Variants in SGIP1 observed in about 807,000 individuals in gnomAD.
SGIP1 encodes SH3-containing GRB2-like protein 3-interacting protein 1.
A neutral mutation model predicts 107.5 loss-of-function variants in SGIP1; 38 were observed. The observed-to-expected ratio is 0.35, with a 90% CI of 0.27 to 0.46. The LOEUF (loss-of-function observed/expected upper bound fraction) is 0.46. Among genes scored for constraint, SGIP1 ranks in the 20% least tolerant of loss-of-function variants. SGIP1 has a pLI of 1.00. For synonymous variants in SGIP1, 365 were observed against 366.1 expected, an observed-to-expected ratio of 1.00 and a Z score of 0.03; for missense variants, 929 against 1,019.5, an observed-to-expected ratio of 0.91 and a Z score of 1.21.
At chr1:66,536,259 A>G (rs917539672) in intron 1 of SGIP1, among the ~76,000 whole-genome samples, 3 of 152,204 alleles carry the variant, frequency 2.0e-5, no homozygotes, top group African/African-American at 7.2e-5. Flanking sequence ...TATGAATTAT[A>G]CTATGGATAC....
At chr1:66,597,159 G>A (rs1466594360) in intron 1 of SGIP1, among the ~76,000 whole-genome samples, 1 of 152,086 alleles carries the variant, frequency 6.6e-6, no homozygotes, top group African/African-American at 2.4e-5. Flanking sequence ...CATCAACCAG[G>A]TACTAAGCCT....
In SGIP1 at chr1:66,592,014, G is replaced by A. The variant is rs927357040; in HGVS notation, c.11-33833G>A. 6.6e-5 allele frequency among the ~76,000 whole-genome samples: 10 copies of A among 152,292 alleles called. 1 individual carries two copies. The highest frequency in any genetic ancestry group is 2.4e-4 in the African/African-American group (10 of 41,552). On this transcript the variant is annotated intron_variant, in intron 1 of 24. Coordinates refer to ENST00000371037, the MANE Select transcript of SGIP1 (RefSeq NM_032291.4). ...TCCTATCTCAGTAAATAGAATGCACGATGGGGTTTTACACCAAGACATTCC... is the reference window on the plus strand; with the variant it reads ...TCCTATCTCAGTAAATAGAATGCACAATGGGGTTTTACACCAAGACATTCC...
intron 20 of SGIP1, among the ~76,000 whole-genome samples, chr1:66,733,408 C>T (rs1265920469): frequency 6.6e-6 from 1 of 152,084 alleles, no homozygotes; most frequent in African/African-American, 2.4e-5. Flanking sequence ...CTAATTTAGA[C>T]AAAGCTGGTT....
At chr1:66,574,727 A>G (rs2060824771) in intron 1 of SGIP1, among the ~76,000 whole-genome samples, 1 of 152,066 alleles carries the variant, frequency 6.6e-6, no homozygotes, top group Non-Finnish European at 1.5e-5. Context: ...TTGTTTTCAC[A>G]TGTCTGTCTG....
intron 7 of SGIP1, among the ~76,000 whole-genome samples, chr1:66,654,223 C>G (rs2079278891): frequency 6.6e-6 from 1 of 152,164 alleles, no homozygotes; most frequent in African/African-American, 2.4e-5. Flanking sequence ...TTGCTTTGAT[C>G]TTTTCCTCTT....
intron 1 of SGIP1, among the ~76,000 whole-genome samples, chr1:66,605,335 T>G (rs2066617137): frequency 6.6e-6 from 1 of 152,152 alleles, no homozygotes; most frequent in African/African-American, 2.4e-5. Flanking sequence ...ATGGCAGTAA[T>G]TCCCAGATAA....
At chr1:66,560,123 G>T (rs1306665182) in intron 1 of SGIP1, among the ~76,000 whole-genome samples, 1 of 151,958 alleles carries the variant, frequency 6.6e-6, no homozygotes, top group East Asian at 1.9e-4. Flanking sequence ...AGGTCTGGAG[G>T]CTCAAACCCT....
Position 66,599,247 on chromosome 1 carries a change from G to A in SGIP1, c.11-26600G>A, listed in dbSNP as rs533250145. ...ATTACTTAAACATCAAATGAATTTG[G>A]GAACCTCTGTCCTAGGGCATAGGGG... On this transcript the variant is annotated intron_variant, in intron 1 of 24. Transcript: ENST00000371037. 4.1e-4 allele frequency among the ~76,000 whole-genome samples: 62 copies of A among 152,090 alleles called. No homozygotes were observed. The Middle Eastern group carries it at 0.017, about 42-fold the overall frequency.
At chr1:66,638,288 T>C (rs2076166384) in intron 4 of SGIP1, among the ~76,000 whole-genome samples, 1 of 152,172 alleles carries the variant, frequency 6.6e-6, no homozygotes, top group South Asian at 2.1e-4. Context: ...AGTGGTACAT[T>C]ATGTAATGGA....
chr1:66,671,064 A>G, intron 10 of SGIP1, 45 bp downstream of exon 10: 1 of 1,039,290 alleles, frequency 9.6e-7, no homozygotes, highest in Admixed American at 2.2e-5. Flanking sequence ...ATTTAAAAGA[A>G]AGAACAGTTC....
chr1:66,635,376 A>C (rs2149419800), intron 3 of SGIP1, among the ~76,000 whole-genome samples: 1 of 152,282 alleles, frequency 6.6e-6, no homozygotes, highest in South Asian at 2.1e-4. Flanking sequence ...CTTTTTTCCA[A>C]GCAGTTCCAG....
At chr1:66,633,047 C>A in intron 2 of SGIP1, 23 bp from the exon 3 acceptor site, 2 of 1,449,872 alleles carry the variant, frequency 1.4e-6, no homozygotes, top group Non-Finnish European at 9.7e-7. Flanking sequence ...ATCATAATAG[C>A]TATCAATTTC....
At chr1:66,577,030 T>A (rs1354120726) in intron 1 of SGIP1, among the ~76,000 whole-genome samples, 1 of 152,204 alleles carries the variant, frequency 6.6e-6, no homozygotes, top group Non-Finnish European at 1.5e-5. Context: ...TGTTTTGTTT[T>A]TGAGAAGGGC....
At chr1:66,634,077 C>T in intron 3 of SGIP1, 1 of 1,602,156 alleles carries the variant, frequency 6.2e-7, no homozygotes, top group South Asian at 1.1e-5. Flanking sequence ...AGGCTCTATT[C>T]AGCAGGGGAA....
intron 1 of SGIP1, among the ~76,000 whole-genome samples, chr1:66,625,608 T>C (rs1162998774): frequency 6.6e-6 from 1 of 152,236 alleles, no homozygotes; most frequent in Admixed American, 6.5e-5. Flanking sequence ...CATGTATCCA[T>C]ATATCCTTAT....
chr1:66,646,677 A>G (rs1202624517), intron 7 of SGIP1, among the ~76,000 whole-genome samples: 1 of 152,240 alleles, frequency 6.6e-6, no homozygotes, highest in Non-Finnish European at 1.5e-5. Context: ...TCATATAATT[A>G]TATGTATATA....
intron 1 of SGIP1, among the ~76,000 whole-genome samples, chr1:66,558,134 C>T (rs2058448199): frequency 6.6e-6 from 1 of 152,048 alleles, no homozygotes; most frequent in South Asian, 2.1e-4. Context: ...CCGTTATAGA[C>T]CTGTTCCAAT....
intron 1 of SGIP1, among the ~76,000 whole-genome samples, chr1:66,563,567 G>A (rs2059251877): frequency 6.6e-6 from 1 of 152,032 alleles, no homozygotes; most frequent in African/African-American, 2.4e-5. Context: ...TGATGTTTTG[G>A]GAAAGTGCTA....
chr1:66,661,069 C>T (rs1248430579), intron 8 of SGIP1, among the ~76,000 whole-genome samples: 1 of 152,082 alleles, frequency 6.6e-6, no homozygotes, highest in Non-Finnish European at 1.5e-5. Flanking sequence ...AAATTACCTC[C>T]TGGATGTTAA....
Sources: allele counts gnomAD v4.1 joint callset (sites outside exome capture counted in the v4.1 genomes callset), GRCh38; gene constraint gnomAD v4.1.1; transcripts MANE v1.5; gene names NCBI Gene and HGNC (gene_info 2026-07-23, HGNC 2026-07-21).